CALCR: variants seen among roughly 807,000 people sequenced by gnomAD.
CALCR encodes the protein calcitonin receptor.
In CALCR, 47 loss-of-function variants were observed where a neutral mutation model predicts 59.5. The ratio of observed to expected loss-of-function variants is 0.79; its 90% CI spans 0.63 to 1.01. The LOEUF (loss-of-function observed/expected upper bound fraction) is 1.01. Ranked by LOEUF, CALCR falls within the 50% of genes least tolerant of loss-of-function variation. The probability of loss-of-function intolerance (pLI) is 0.00; values close to 1 mark genes in which losing one functional copy is unlikely to be tolerated. For synonymous variants in CALCR, 213 were observed against 211.3 expected, an observed-to-expected ratio of 1.01 and a Z score of -0.07; for missense variants, 566 against 597.1, an observed-to-expected ratio of 0.95 and a Z score of 0.54.
rs567508468 is a variant in CALCR, at chr7:93,450,233, C to T, written c.649-6476G>A. Among the ~76,000 whole-genome samples, 6 of 152,046 alleles carry T rather than the reference C, an allele frequency of 3.9e-5. No individual in the cohort carries two copies. The South Asian group carries it at 1.0e-3, about 26-fold the overall frequency. On this transcript the variant is annotated intron_variant, in intron 8 of 13. Transcript: ENST00000426151. ...CCTCCTTTAAAGATTAGTAAAGGTG[C>T]CCTAATCCTACCTTGAGATGTTCTG...
rs1259779138 is a variant in CALCR, at chr7:93,479,352, A to G, written c.205+2T>C. On this transcript the variant is annotated splice_donor_variant, in intron 4 of 13. Coordinates refer to ENST00000426151, the MANE Select transcript of CALCR (RefSeq NM_001742.4). LOFTEE classifies it high-confidence loss of function. ...TATGTTCATATATATCCTTCTCTTT[A>G]CCTTCTCCTTGGTATGCGGGTAACT... The G allele has an allele frequency of 3.1e-6, 5 of 1,605,318 alleles. No homozygotes were observed. In the African/African-American group the frequency reaches 5.4e-5, roughly 17 times the overall value.
rs1017028074 is a variant in CALCR, at chr7:93,425,649, A to T, written c.*707T>A. 6.6e-6 allele frequency: 1 copy of T among 152,218 alleles called. No homozygotes were observed. Among genetic ancestry groups the T allele is most frequent in the Non-Finnish European group, 1.5e-5 (1 of 68,036 alleles). The allele number at this position is 152,218 out of a possible 1,614,324, so 9.4% of individuals were successfully genotyped here. A position where few individuals can be genotyped will look rare whatever the true frequency, so the allele number is the denominator to read the frequency against. ...CAAAATACATTCAACATTAAGACCA[A>T]TTCTTTACAACAGCTAGGTCCTGCC... On this transcript the variant is annotated 3_prime_UTR_variant, in exon 14 of 14. Coordinates refer to ENST00000426151, the MANE Select transcript of CALCR (RefSeq NM_001742.4).
intron 2 of CALCR, among the ~76,000 whole-genome samples, chr7:93,513,643 C>G (rs2106731): frequency 0.82 from 124,311 of 151,964 alleles, 51,256 homozygotes; most frequent in African/African-American, 0.87. Flanking sequence ...GTGTGACCTT[C>G]GAAAAGTTAA....
At chr7:93,543,567 T>G (rs995277600) in intron 2 of CALCR, among the ~76,000 whole-genome samples, 6 of 152,134 alleles carry the variant, frequency 3.9e-5, no homozygotes, top group Non-Finnish European at 5.9e-5. Flanking sequence ...ATGATAAGAA[T>G]TCTTCAGCTC....
chr7:93,427,349 G>A (rs1799551550), intron 13 of CALCR, among the ~76,000 whole-genome samples: 1 of 151,916 alleles, frequency 6.6e-6, no homozygotes, highest in Non-Finnish European at 1.5e-5. Flanking sequence ...ATTCAATTTA[G>A]TAGTTAAGTT....
intron 7 of CALCR, among the ~76,000 whole-genome samples, 188 bp downstream of exon 7, chr7:93,468,527 T>C (rs1800485291): frequency 6.6e-6 from 1 of 151,764 alleles, no homozygotes; most frequent in African/African-American, 2.4e-5. Flanking sequence ...TATCCTGTTC[T>C]CCCCAAAGAT....
chr7:93,486,071 A>G (rs1167398480), intron 3 of CALCR, among the ~76,000 whole-genome samples: 2 of 151,646 alleles, frequency 1.3e-5, no homozygotes, highest in Non-Finnish European at 3.0e-5. Context: ...CTCGAACCCT[A>G]TGCAAGCTTT....
intron 2 of CALCR, among the ~76,000 whole-genome samples, chr7:93,513,746 A>G (rs960199018): frequency 1.3e-5 from 2 of 151,960 alleles, no homozygotes; most frequent in African/African-American, 4.8e-5. Flanking sequence ...TAGGTCCATA[A>G]AACAGTTGAC....
In CALCR at chr7:93,449,549, A is replaced by C. The variant is rs538981559; in HGVS notation, c.649-5792T>G. 1.7e-4 allele frequency among the ~76,000 whole-genome samples: 26 copies of C among 152,210 alleles called. No homozygotes were observed. In the South Asian group the frequency reaches 5.2e-3, roughly 30 times the overall value. On this transcript the variant is annotated intron_variant, in intron 8 of 13. Transcript: ENST00000426151. ...AGGACTTAAACCCAATAATATTTAT[A>C]TAGAAAGTGAGCAGTAGTTGCTTAT... is the stretch of plus-strand genomic sequence containing the variant.
At chr7:93,506,710 C>T (rs1402958334) in intron 2 of CALCR, among the ~76,000 whole-genome samples, 4 of 150,698 alleles carry the variant, frequency 2.7e-5, no homozygotes, top group Non-Finnish European at 4.4e-5. Flanking sequence ...TTCTCAGCTT[C>T]CTAGCTTATT....
intron 9 of CALCR, 90 bp from the exon 10 acceptor site, chr7:93,438,360 A>G (rs1799829030): frequency 1.1e-6 from 1 of 915,566 alleles, no homozygotes; most frequent in Non-Finnish European, 1.8e-6. Context: ...TACTTGCAAA[A>G]ATACTGGCAA....
chr7:93,546,565 CT>C (rs1177132377), intron 2 of CALCR, among the ~76,000 whole-genome samples: 1 of 150,324 alleles, frequency 6.7e-6, no homozygotes, highest in Non-Finnish European at 1.5e-5. Context: ...TTTTTGTTTT[CT>C]TTTTCTTTTC....
At chr7:93,533,090 G>T (rs1788889821) in intron 2 of CALCR, among the ~76,000 whole-genome samples, 1 of 151,654 alleles carries the variant, frequency 6.6e-6, no homozygotes, top group South Asian at 2.1e-4. Flanking sequence ...CAATGAAATT[G>T]GTAATCTAAA....
chr7:93,503,711 AGG>A (rs1380411310), intron 2 of CALCR, among the ~76,000 whole-genome samples: 4 of 152,180 alleles, frequency 2.6e-5, no homozygotes, highest in Admixed American at 2.6e-4. Context: ...AGAAAATAGT[AGG>A]GGAAAGAGGG....
intron 13 of CALCR, among the ~76,000 whole-genome samples, chr7:93,432,966 T>C (rs1045412834): frequency 1.2e-4 from 18 of 152,334 alleles, no homozygotes; most frequent in Non-Finnish European, 2.6e-4. Context: ...TGTCTTTTCA[T>C]TTCTATTCTA....
At chr7:93,543,944 A>C (rs1019478951) in intron 2 of CALCR, among the ~76,000 whole-genome samples, 3 of 152,028 alleles carry the variant, frequency 2.0e-5, no homozygotes, top group African/African-American at 7.3e-5. Flanking sequence ...TTGCTACAGT[A>C]CTTCTGCCTT....
intron 11 of CALCR, 35 bp downstream of exon 11, chr7:93,438,025 T>C: frequency 5.5e-6 from 8 of 1,461,744 alleles, no homozygotes; most frequent in Non-Finnish European, 6.7e-6. Flanking sequence ...TAAGAGATAA[T>C]ACTACTAATA....
chr7:93,527,011 A>AT (rs1430821586), intron 2 of CALCR, among the ~76,000 whole-genome samples: 2 of 151,958 alleles, frequency 1.3e-5, no homozygotes, highest in Non-Finnish European at 1.5e-5. Flanking sequence ...GGAAAAGTCT[A>AT]TTTTTTTCTT....
chr7:93,435,985 A>G lies in CALCR; in HGVS notation c.1116T>C (p.Tyr372=), dbSNP rs144245011. ...GAATCAGAGAGTGCATCACGTAATC[A>G]TATATCTTCCCAAGCATCTTGTTGG... is the stretch of plus-strand genomic sequence containing the variant. ...RPSNKMLGKI[Y]DYVMHSLIHF... Residue 372 remains tyrosine (Y), a synonymous_variant, in exon 12 of 14, where the codon TAT becomes TAC. Transcript: ENST00000426151. 1.8e-4 allele frequency: 284 copies of G among 1,612,990 alleles called. 1 individual carries two copies. Among genetic ancestry groups the G allele is most frequent in the African/African-American group, 4.0e-5 (3 of 74,874 alleles).
Sources: allele counts gnomAD v4.1 joint callset (sites outside exome capture counted in the v4.1 genomes callset), GRCh38; gene constraint gnomAD v4.1.1; transcripts MANE v1.5; gene names NCBI Gene and HGNC (gene_info 2026-07-23, HGNC 2026-07-21).